ANO2: variants seen among roughly 807,000 people sequenced by gnomAD.
ANO2 encodes anoctamin 2.
In ANO2, 101 loss-of-function variants were observed where a neutral mutation model predicts 124.2. That is an observed-to-expected ratio of 0.81 (90% CI 0.69 to 0.96). The LOEUF is 0.96. ANO2 is among the 40% of genes least tolerant of loss of function. The pLI is 0.00. For missense variants in ANO2, 1,293 were observed against 1,274.5 expected (o/e 1.01, Z -0.22); for synonymous variants, 486 against 482.5 (o/e 1.01, Z -0.09).
At chr12:5,692,694 C>T (rs1411969270) in intron 14 of ANO2, among the ~76,000 whole-genome samples, 1 of 152,150 alleles carries the variant, frequency 6.6e-6, no homozygotes, top group African/African-American at 2.4e-5. Context: ...CATCAAGAAA[C>T]AGCCTGATTT....
At chr12:5,891,120 T>C (rs1378175815) in intron 3 of ANO2, among the ~76,000 whole-genome samples, 4 of 152,168 alleles carry the variant, frequency 2.6e-5, no homozygotes, top group Non-Finnish European at 5.9e-5. Flanking sequence ...CAAAATTACT[T>C]TCTTTTTGAG....
chr12:5,838,576 C>G (rs1954403008), intron 4 of ANO2, among the ~76,000 whole-genome samples: 1 of 152,150 alleles, frequency 6.6e-6, no homozygotes, highest in Non-Finnish European at 1.5e-5. Flanking sequence ...GTGTGTGTTA[C>G]CTGTTCCTGA....
chr12:5,698,045 G>A (rs1216502304), intron 14 of ANO2, among the ~76,000 whole-genome samples: 1 of 152,196 alleles, frequency 6.6e-6, no homozygotes, highest in Admixed American at 6.5e-5. Context: ...CATAGAGGCA[G>A]CAGAAATTTC....
chr12:5,831,181 C>A (rs958295940), intron 5 of ANO2, among the ~76,000 whole-genome samples: 1 of 152,150 alleles, frequency 6.6e-6, no homozygotes. Context: ...GCTCCCAGCA[C>A]CCCAGGAGCC....
intron 1 of ANO2, 29 bp downstream of exon 1, chr12:5,945,167 C>T (rs1243661738): frequency 7.8e-7 from 1 of 1,288,450 alleles, no homozygotes; most frequent in Non-Finnish European, 1.0e-6. Context: ...CTGTAGGAGA[C>T]CAGGACCAGG....
intron 10 of ANO2, among the ~76,000 whole-genome samples, chr12:5,785,194 G>A (rs1952506266): frequency 6.6e-6 from 1 of 152,164 alleles, no homozygotes; most frequent in Non-Finnish European, 1.5e-5. Flanking sequence ...AGAGTAGCTG[G>A]GATGGATTGG....
chr12:5,576,162 T>C (rs888463174), intron 22 of ANO2, 147 bp from the exon 23 acceptor site: 11 of 767,272 alleles, frequency 1.4e-5, no homozygotes, highest in Non-Finnish European at 2.1e-5. Flanking sequence ...TGCAGCTGAG[T>C]CACATGCCTT....
At chr12:5,640,635 C>G (rs1172269101) in intron 15 of ANO2, among the ~76,000 whole-genome samples, 1 of 152,232 alleles carries the variant, frequency 6.6e-6, no homozygotes, top group Non-Finnish European at 1.5e-5. Context: ...TGCTCATCAT[C>G]ACTGGTCATC....
intron 3 of ANO2, among the ~76,000 whole-genome samples, chr12:5,907,527 C>T (rs1169530907): frequency 1.3e-5 from 2 of 152,144 alleles, no homozygotes; most frequent in Non-Finnish European, 2.9e-5. Context: ...CCTAACAAGA[C>T]AGTAAACTCC....
intron 14 of ANO2, among the ~76,000 whole-genome samples, chr12:5,712,827 G>A (rs1409603629): frequency 2.0e-5 from 3 of 152,254 alleles, no homozygotes; most frequent in Non-Finnish European, 4.4e-5. Context: ...AGCCACCAAC[G>A]CATGACACAC....
At chr12:5,647,666 A>G in intron 15 of ANO2, 61 bp downstream of exon 15, 1 of 1,235,712 alleles carries the variant, frequency 8.1e-7, no homozygotes. Flanking sequence ...TACCCACAGT[A>G]GTCACATAAC....
chr12:5,687,176 T>C (rs1040927480), intron 14 of ANO2, among the ~76,000 whole-genome samples: 4 of 152,248 alleles, frequency 2.6e-5, no homozygotes, highest in Non-Finnish European at 5.9e-5. Flanking sequence ...GGTTACCAAA[T>C]GATCGGACAA....
chr12:5,581,394 C>G (rs1942751001), intron 20 of ANO2, among the ~76,000 whole-genome samples: 1 of 152,174 alleles, frequency 6.6e-6, no homozygotes, highest in African/African-American at 2.4e-5. Flanking sequence ...CAAATGTACA[C>G]AGCATGCCCT....
At chr12:5,693,396 A>T (rs1424718172) in intron 14 of ANO2, among the ~76,000 whole-genome samples, 2 of 152,128 alleles carry the variant, frequency 1.3e-5, no homozygotes, top group African/African-American at 4.8e-5. Context: ...TTTGAAACGT[A>T]GTCAGCACCT....
At chr12:5,891,841 T>TG (rs1460195517) in intron 3 of ANO2, among the ~76,000 whole-genome samples, 6 of 27,794 alleles carry the variant, frequency 2.2e-4, no homozygotes, top group Non-Finnish European at 4.8e-4. Context: ...CAAATAGGAT[T>TG]TAATAAAACC....
At chr12:5,745,873 G>A (rs1475167487) in intron 11 of ANO2, among the ~76,000 whole-genome samples, 1 of 152,194 alleles carries the variant, frequency 6.6e-6, no homozygotes, top group Non-Finnish European at 1.5e-5. Context: ...TGGGTGACTA[G>A]AGAGCCCAGT....
At chr12:5,831,370 G>T (rs1954148036) in intron 5 of ANO2, among the ~76,000 whole-genome samples, 1 of 152,150 alleles carries the variant, frequency 6.6e-6, no homozygotes, top group Non-Finnish European at 1.5e-5. Context: ...GAAGTAAAAC[G>T]AACGGAGGTG....
At chr12:5,767,430 C>T (rs1951931052) in intron 10 of ANO2, among the ~76,000 whole-genome samples, 1 of 152,122 alleles carries the variant, frequency 6.6e-6, no homozygotes, top group South Asian at 2.1e-4. Flanking sequence ...ATGTTCCTGT[C>T]CTCCACCCTC....
chr12:5,857,490 G>T (rs1955133463), intron 3 of ANO2, among the ~76,000 whole-genome samples: 1 of 152,094 alleles, frequency 6.6e-6, no homozygotes. Flanking sequence ...ATTCCTACCA[G>T]CAGTATGTGA....
Sources: allele counts gnomAD v4.1 joint callset (sites outside exome capture counted in the v4.1 genomes callset), GRCh38; gene constraint gnomAD v4.1.1; transcripts MANE v1.5; gene names NCBI Gene and HGNC (gene_info 2026-07-23, HGNC 2026-07-21).